The following IQSEC1 variants were observed in gnomAD, a reference collection of about 807,000 sequenced individuals.
The protein encoded by IQSEC1 is IQ motif and SEC7 domain-containing protein 1.
In IQSEC1, 31 loss-of-function variants were observed where a neutral mutation model predicts 91.0. The observed-to-expected ratio is 0.34, with a 90% CI of 0.26 to 0.46. The LOEUF is 0.46. Ranked by LOEUF, IQSEC1 falls within the 20% of genes least tolerant of loss-of-function variation. The pLI, the probability that IQSEC1 is intolerant of heterozygous loss-of-function variation, is 1.00. For missense variants in IQSEC1, 1,388 were observed against 1,575.6 expected (o/e 0.88, Z 2.02); for synonymous variants, 699 against 662.6 (o/e 1.05, Z -0.84).
At chr3:13,226,925 T>A (rs9849960) in intron 1 of IQSEC1, among the ~76,000 whole-genome samples, 1 of 152,028 alleles carries the variant, frequency 6.6e-6, no homozygotes, top group African/African-American at 2.4e-5. Flanking sequence ...CTGGAAAAGC[T>A]TCTCCGCACA....
chr3:13,153,125 C>T (rs1362319809), intron 2 of IQSEC1, among the ~76,000 whole-genome samples: 1 of 151,730 alleles, frequency 6.6e-6, no homozygotes, highest in South Asian at 2.1e-4. Flanking sequence ...CTCTCCCCTC[C>T]AGTGTCCAGG....
intron 2 of IQSEC1, among the ~76,000 whole-genome samples, chr3:13,135,435 G>A (rs918349066): frequency 2.6e-5 from 4 of 152,226 alleles, no homozygotes; most frequent in Non-Finnish European, 5.9e-5. Flanking sequence ...AGGGAGGGGC[G>A]GCCACCTCTC....
chr3:13,013,607 C>T (rs944683401), intron 1 of IQSEC1, among the ~76,000 whole-genome samples: 5 of 152,188 alleles, frequency 3.3e-5, no homozygotes, highest in African/African-American at 1.2e-4. Flanking sequence ...CCTCCTTGCG[C>T]CCATCTCCTT....
Position 12,901,763 on chromosome 3 carries a change from ATC to A in IQSEC1, c.2806-243_2806-242del, listed in dbSNP as rs997491383. On this transcript the variant is annotated intron_variant, in intron 13 of 13. Transcript: ENST00000613206. ...GGGAGTGAGGGCAGGGGAGGGGCCC[ATC>A]TCTCTGACCACCACGGCAGAAGTAG... Among the ~76,000 whole-genome samples, 8 of 152,246 alleles carry A rather than the reference ATC, an allele frequency of 5.3e-5. No homozygotes were observed. In the East Asian group the frequency reaches 5.8e-4, roughly 11 times the overall value.
chr3:12,980,960 C>A (rs1171374755), intron 1 of IQSEC1, among the ~76,000 whole-genome samples: 2 of 152,240 alleles, frequency 1.3e-5, no homozygotes, highest in Admixed American at 6.5e-5. Flanking sequence ...TCCCTCTGCA[C>A]TTTGGTGAGA....
At chr3:13,277,129 A>AAC (rs1695700560) in intron 1 of IQSEC1, among the ~76,000 whole-genome samples, 1 of 149,610 alleles carries the variant, frequency 6.7e-6, no homozygotes, top group Non-Finnish European at 1.5e-5. Context: ...AAAAAAAAAA[A>AAC]AAAAAAAACA....
At chr3:13,262,353 G>A (rs532909101) in intron 1 of IQSEC1, among the ~76,000 whole-genome samples, 2 of 152,288 alleles carry the variant, frequency 1.3e-5, no homozygotes, top group South Asian at 2.1e-4. Flanking sequence ...GCCTGTCCCC[G>A]TCCCTCTTAG....
At chr3:13,226,832 C>T (rs977570332) in intron 1 of IQSEC1, among the ~76,000 whole-genome samples, 4 of 152,112 alleles carry the variant, frequency 2.6e-5, no homozygotes, top group South Asian at 2.1e-4. Context: ...AACCCTCCCA[C>T]GAGGATGGAG....
chr3:13,032,314 G>A (rs927576327), intron 1 of IQSEC1, among the ~76,000 whole-genome samples: 56 of 152,328 alleles, frequency 3.7e-4, no homozygotes, highest in African/African-American at 1.3e-3. Flanking sequence ...GGTCCTCTAT[G>A]GAGACACAAC....
chr3:13,240,961 T>C (rs985191724), intron 1 of IQSEC1, among the ~76,000 whole-genome samples: 5 of 152,220 alleles, frequency 3.3e-5, no homozygotes, highest in African/African-American at 7.2e-5. Context: ...TTCCTTCTCC[T>C]AAGTGATCAA....
At chr3:12,951,532 G>A (rs1179384521) in intron 1 of IQSEC1, among the ~76,000 whole-genome samples, 1 of 152,212 alleles carries the variant, frequency 6.6e-6, no homozygotes, top group African/African-American at 2.4e-5. Context: ...CCCAGGGGAG[G>A]CTGTTCTAGT....
intron 5 of IQSEC1, among the ~76,000 whole-genome samples, chr3:12,921,458 G>A (rs141873647): frequency 1.3e-5 from 2 of 152,354 alleles, no homozygotes; most frequent in East Asian, 3.9e-4. Context: ...TACACTGCCA[G>A]TCTGCACGTG....
At position 12,920,477 on chromosome 3, in the gene IQSEC1, T is replaced by G; in HGVS notation, c.1973A>C (p.Lys658Thr). 1 of 1,614,214 alleles carries G rather than the reference T, an allele frequency of 6.2e-7. No homozygotes were observed. Residue 658 changes from lysine to threonine, a missense_variant, in exon 6 of 14, where the codon AAG (lysine) becomes ACG (threonine). Around this residue, in one of 2 missense-constraint regions of IQSEC1, gnomAD observed 1,059 missense variants for 1,317.8 expected, o/e 0.80. Transcript: ENST00000613206. The stretch of plus-strand genomic sequence containing the variant: ...CTCTAGCTTCATTTTCCGCTCGGGC[T>G]TGACATTGGGGCTGTACATGTCGGT... ...LNTDMYSPNV[K>T]PERKMKLEDF...
chr3:12,938,294 A>G (rs1032383377), intron 2 of IQSEC1, among the ~76,000 whole-genome samples: 2 of 152,226 alleles, frequency 1.3e-5, no homozygotes, highest in African/African-American at 4.8e-5. Flanking sequence ...GGGTCTGTCA[A>G]GGAGAGCAGG....
chr3:12,930,311 G>GC lies in IQSEC1; in HGVS notation c.1568+5136dup, dbSNP rs1241227080. Among the ~76,000 whole-genome samples the GC allele has an allele frequency of 2.0e-5, 3 of 152,320 alleles. No individual in the cohort carries two copies. The East Asian group carries it at 5.8e-4, about 29-fold the overall frequency. ...CCACAGGCATGTGCCATTGTGCTTG[G>GC]CTCCAGTCCTTTTTAACTGTTCAGG... On this transcript the variant is annotated intron_variant, in intron 3 of 13. Transcript: ENST00000613206.
At position 13,150,708 on chromosome 3, in the gene IQSEC1, A is replaced by G. The variant is rs1370154135; in HGVS notation, c.302+13396T>C. On this transcript the variant is annotated intron_variant, in intron 2 of 15. Transcript: ENST00000648114. ...GCACCTGGAGAGGACAGTGGGTGGG[A>G]GCTGAGTGTGGCTCTCACCCACGGC... Among the ~76,000 whole-genome samples, 2 of 152,198 alleles carry G rather than the reference A, an allele frequency of 1.3e-5. 1 individual carries two copies. The highest frequency in any genetic ancestry group is 6.8e-3 in the Middle Eastern group (2 of 294).
intron 1 of IQSEC1, among the ~76,000 whole-genome samples, chr3:13,027,908 T>C (rs1576186862): frequency 6.6e-6 from 1 of 152,352 alleles, no homozygotes; most frequent in African/African-American, 2.4e-5. Context: ...AAATTCAAAT[T>C]TACAATGATA....
chr3:12,918,490 C>G (rs1696317329), intron 6 of IQSEC1, among the ~76,000 whole-genome samples: 1 of 152,092 alleles, frequency 6.6e-6, no homozygotes, highest in Non-Finnish European at 1.5e-5. Context: ...CCAGCATATC[C>G]CAGATGACGT....
intron 9 of IQSEC1, among the ~76,000 whole-genome samples, chr3:12,912,129 C>T (rs1256866016): frequency 6.6e-6 from 1 of 152,224 alleles, no homozygotes; most frequent in Admixed American, 6.5e-5. Context: ...GAGTGTGAAG[C>T]TATGCCTGGT....
Sources: gnomAD v4.1 joint callset for allele counts (sites outside exome capture counted in the v4.1 genomes callset) on GRCh38, gnomAD v4.1.1 for gene constraint, gnomAD v4.1.1 regional missense constraint, MANE v1.5 for transcripts, NCBI Gene and HGNC (gene_info 2026-07-23, HGNC 2026-07-21) for gene names.